TNFRSF12A: variants seen among roughly 807,000 people sequenced by gnomAD.
The protein encoded by TNFRSF12A is tumor necrosis factor receptor superfamily member 12A.
In TNFRSF12A, 13 loss-of-function variants were observed where a neutral mutation model predicts 15.5. That is an observed-to-expected ratio of 0.84 (90% CI 0.54 to 1.33). The LOEUF is 1.33. Among genes scored for constraint, TNFRSF12A ranks in the 40% most tolerant of loss-of-function variants. TNFRSF12A has a pLI of 0.00. For missense variants in TNFRSF12A, 174 were observed against 173.6 expected (o/e 1.00, Z -0.01); for synonymous variants, 89 against 78.4 (o/e 1.14, Z -0.71).
intron 1 of TNFRSF12A, 136 bp downstream of exon 1, chr16:3,020,627 C>T (rs74758164): frequency 0.033 from 16,883 of 514,744 alleles, 343 homozygotes; most frequent in Non-Finnish European, 0.038. Context: ...ACAGCTCGCT[C>T]CCGGCTGTGG....
rs2072607924 is a variant in TNFRSF12A, at chr16:3,021,225, C to A, written c.105C>A (p.Pro35=). 2.5e-6 allele frequency: 4 copies of A among 1,579,582 alleles called. No individual in the cohort carries two copies. In the Admixed American group the frequency reaches 5.4e-5, roughly 21 times the overall value. ...VAGEQAPGTA[P]CSRGSSWSAD... is the part of the protein sequence containing the mutation. ...AGGCCCCCTCCCCAGGCACCGCCCC[C>A]TGCTCCCGCGGCAGCTCCTGGAGCG... Residue 35 remains proline (P), a synonymous_variant, in exon 2 of 4, where the codon CCC becomes CCA. Coordinates refer to ENST00000326577, the MANE Select transcript of TNFRSF12A (RefSeq NM_016639.3).
At position 3,021,381 on chromosome 16, in the gene TNFRSF12A, C is replaced by G. The variant is rs2072609813; in HGVS notation, c.199+62C>G. ...AGACTGGGAGGGAGGGTGGCTGGTG[C>G]GCAGAGCGGGGCCGAGAGCTTTGCA... On this transcript the variant is annotated intron_variant, in intron 2 of 3. Transcript: ENST00000326577. 2.1e-6 allele frequency: 3 copies of G among 1,455,414 alleles called. No individual in the cohort carries two copies. In the African/African-American group the frequency reaches 4.2e-5, roughly 21 times the overall value. The allele number at this position is 1,455,414 out of a possible 1,614,324, so 90.2% of individuals were successfully genotyped here. A position where few individuals can be genotyped will look rare whatever the true frequency, so the allele number is the denominator to read the frequency against.
At position 3,021,888 on chromosome 16, in the gene TNFRSF12A, A is replaced by T; in HGVS notation, c.*62A>T. The T allele has an allele frequency of 6.4e-7, 1 of 1,570,234 alleles. No individual in the cohort carries two copies. Among genetic ancestry groups the T allele is most frequent in the Non-Finnish European group, 8.6e-7 (1 of 1,157,142 alleles). On this transcript the variant is annotated 3_prime_UTR_variant, in exon 4 of 4. Transcript: ENST00000326577. ...TCATTCATTCATCCATTCTAGAGCCAGTCTCTGCCTCCCAGACGCGGCGGG... is the reference window on the plus strand; with the variant it reads ...TCATTCATTCATCCATTCTAGAGCCTGTCTCTGCCTCCCAGACGCGGCGGG...
In TNFRSF12A at chr16:3,022,345, G is replaced by T. The variant is rs1441718239; in HGVS notation, c.*519G>T. On this transcript the variant is annotated 3_prime_UTR_variant, in exon 4 of 4. Coordinates refer to ENST00000326577, the MANE Select transcript of TNFRSF12A (RefSeq NM_016639.3). The stretch of plus-strand genomic sequence containing the variant: ...TTTATTTTGGGGAGAGTTTGGAGGG[G>T]AGGGAGAATTTATTAATAAAAGAAT... 4 of 207,982 alleles carry T rather than the reference G, an allele frequency of 1.9e-5. No individual in the cohort carries two copies. The highest frequency in any genetic ancestry group is 3.8e-5 in the Non-Finnish European group (4 of 105,186). The allele number at this position is 207,982 out of a possible 1,614,324, so 12.9% of individuals were successfully genotyped here. A position where few individuals can be genotyped will look rare whatever the true frequency, so the allele number is the denominator to read the frequency against.
At chr16:3,021,050 T>A in intron 1 of TNFRSF12A, 165 bp from the exon 2 acceptor site, 1 of 461,226 alleles carries the variant, frequency 2.2e-6, no homozygotes, top group East Asian at 3.6e-5. Flanking sequence ...CGCTACGCCC[T>A]CCCTCCCGGA....
intron 1 of TNFRSF12A, chr16:3,020,849 T>C: frequency 2.5e-6 from 1 of 406,210 alleles, no homozygotes; most frequent in Non-Finnish European, 4.3e-6. Flanking sequence ...ATCGACGAGT[T>C]GGGGAGGCCG....
At position 3,020,495 on chromosome 16, in the gene TNFRSF12A, C is replaced by A; in HGVS notation, c.94+4C>A. 5 of 1,291,338 alleles carry A rather than the reference C, an allele frequency of 3.9e-6. No individual in the cohort carries two copies. The highest frequency in any genetic ancestry group is 4.9e-6 in the Non-Finnish European group (5 of 1,018,320). 80.0% of individuals were successfully genotyped at this position (1,291,338 alleles called of 1,614,324 possible). ...GTGGCCGGGGAGCAAGCGCCAGGTA[C>A]GCGGGACTCCGGGGTCGGGGAACCC... On this transcript the variant is annotated splice_donor_region_variant and intron_variant, in intron 1 of 3. Coordinates refer to ENST00000326577, the MANE Select transcript of TNFRSF12A (RefSeq NM_016639.3).
In TNFRSF12A at chr16:3,020,472, G is replaced by T. The variant is rs1306858025; in HGVS notation, c.75G>T (p.Val25=). 3.1e-6 allele frequency: 4 copies of T among 1,294,842 alleles called. No individual in the cohort carries two copies. The highest frequency in any genetic ancestry group is 2.9e-6 in the Non-Finnish European group (3 of 1,020,210). The allele number at this position is 1,294,842 out of a possible 1,614,324, so 80.2% of individuals were successfully genotyped here. A position where few individuals can be genotyped will look rare whatever the true frequency, so the allele number is the denominator to read the frequency against. Residue 25 remains valine, a synonymous_variant, in exon 1 of 4, where the codon GTG becomes GTT. Coordinates refer to ENST00000326577, the MANE Select transcript of TNFRSF12A (RefSeq NM_016639.3). ...TCTGGCTGGCGTTGCTGCGCTCCGTGGCCGGGGAGCAAGCGCCAGGTACGC... is the reference window on the plus strand; with the variant it reads ...TCTGGCTGGCGTTGCTGCGCTCCGTTGCCGGGGAGCAAGCGCCAGGTACGC... The part of the protein sequence containing the change: ...LGLWLALLRS[V]AGEQAPGTAP...
rs773783072 is a variant in TNFRSF12A at position 3,021,331 on chromosome 16, G to C, written c.199+12G>C. The C allele has an allele frequency of 1.3e-6, 2 of 1,558,992 alleles. No homozygotes were observed. The highest frequency in any genetic ancestry group is 1.9e-5 in the Admixed American group (1 of 51,726). On this transcript the variant is annotated intron_variant, in intron 2 of 3. Coordinates refer to ENST00000326577, the MANE Select transcript of TNFRSF12A (RefSeq NM_016639.3). ...CTTCTGCCTGGGCTGTGAGTGGGGGGCAGGGCCAGTGGCCAGCGGACCCCA... is the reference window on the plus strand; with the variant it reads ...CTTCTGCCTGGGCTGTGAGTGGGGGCCAGGGCCAGTGGCCAGCGGACCCCA...
rs773100076 is a variant in TNFRSF12A, at chr16:3,021,755, A to G, written c.335-16A>G. On this transcript the variant is annotated splice_polypyrimidine_tract_variant and intron_variant, in intron 3 of 3. Coordinates refer to ENST00000326577, the MANE Select transcript of TNFRSF12A (RefSeq NM_016639.3). ...CCTTTTCTCTGCTGCTGACGACCCC[A>G]CCTCTTATCTTGCAGCCCCCATAGA... The G allele has an allele frequency of 4.3e-6, 7 of 1,611,066 alleles. No homozygotes were observed. The highest frequency in any genetic ancestry group is 5.9e-6 in the Non-Finnish European group (7 of 1,178,334).
intron 1 of TNFRSF12A, 187 bp from the exon 2 acceptor site, chr16:3,021,028 C>A: frequency 2.1e-6 from 1 of 480,126 alleles, no homozygotes; most frequent in Non-Finnish European, 3.7e-6. Context: ...CCCCCCCACC[C>A]CCAGCGTCCC....
At chr16:3,020,635 T>C in intron 1 of TNFRSF12A, 144 bp downstream of exon 1, 1 of 478,792 alleles carries the variant, frequency 2.1e-6, no homozygotes, top group Non-Finnish European at 3.4e-6. Flanking sequence ...CTCCCGGCTG[T>C]GGGAAGTTCC....
chr16:3,021,055 C>A, intron 1 of TNFRSF12A, 160 bp from the exon 2 acceptor site: 1 of 469,582 alleles, frequency 2.1e-6, no homozygotes, highest in East Asian at 3.5e-5. Flanking sequence ...CGCCCTCCCT[C>A]CCGGAGCTGC....
chr16:3,020,468 C>T lies in TNFRSF12A; in HGVS notation c.71C>T (p.Ser24Phe). The T allele has an allele frequency of 7.7e-7, 1 of 1,294,930 alleles. No individual in the cohort carries two copies. Among genetic ancestry groups the T allele is most frequent in the Non-Finnish European group, 9.8e-7 (1 of 1,020,272 alleles). The allele number at this position is 1,294,930 out of a possible 1,614,324, so 80.2% of individuals were successfully genotyped here. ...GGGCTCTGGCTGGCGTTGCTGCGCT[C>T]CGTGGCCGGGGAGCAAGCGCCAGGT... ...VLGLWLALLR[S>F]VAGEQAPGTA... The change falls in exon 1 of 4, where the codon TCC becomes TTC. Residue 24 changes from serine (S) to phenylalanine (F), a missense_variant. Coordinates refer to ENST00000326577, the MANE Select transcript of TNFRSF12A (RefSeq NM_016639.3).
rs752145330 is a variant in TNFRSF12A, at chr16:3,020,404, C to T, written c.7C>T (p.Arg3Trp). 6 of 1,290,406 alleles carry T rather than the reference C, an allele frequency of 4.6e-6. No homozygotes were observed. The highest frequency in any genetic ancestry group is 3.0e-5 in the African/African-American group (2 of 66,034). The allele number at this position is 1,290,406 out of a possible 1,614,324, so 79.9% of individuals were successfully genotyped here. A position where few individuals can be genotyped will look rare whatever the true frequency, so the allele number is the denominator to read the frequency against. MA[R>W]GSLRRLLRLL... is the part of the protein sequence containing the mutation. ...CGGGCGCAGGACGTGCACTATGGCT[C>T]GGGGCTCGCTGCGCCGGTTGCTGCG... The change falls in exon 1 of 4, where the codon CGG (arginine) becomes TGG (tryptophan). Residue 3 changes from arginine to tryptophan, a missense_variant. By Grantham distance (101) the Arg-to-Trp change is moderately radical. Transcript: ENST00000326577.
chr16:3,022,264 G>A lies in TNFRSF12A; in HGVS notation c.*438G>A, dbSNP rs1653864091. The A allele has an allele frequency of 3.2e-6, 1 of 316,062 alleles. No individual in the cohort carries two copies. Among genetic ancestry groups the A allele is most frequent in the South Asian group, 1.3e-4 (1 of 7,474 alleles). 19.6% of individuals were successfully genotyped at this position (316,062 alleles called of 1,614,324 possible). ...TTAACACTAGGGGGCTGGCCCACTA[G>A]GAGGGCTGGCCCTAAGATACAGACC... On this transcript the variant is annotated 3_prime_UTR_variant, in exon 4 of 4. Transcript: ENST00000326577.
rs1167778275 is a variant in TNFRSF12A at position 3,021,849 on chromosome 16, G to T, written c.*23G>T. 5.0e-6 allele frequency: 8 copies of T among 1,609,836 alleles called. No homozygotes were observed. Among genetic ancestry groups the T allele is most frequent in the Non-Finnish European group, 6.8e-6 (8 of 1,179,100 alleles). On this transcript the variant is annotated 3_prime_UTR_variant, in exon 4 of 4. Transcript: ENST00000326577. ...TGACAATGTGCCCCCTGCCAGCCGGGGCTCGCCCACTCATCATTCATTCAT... is the reference window on the plus strand; with the variant it reads ...TGACAATGTGCCCCCTGCCAGCCGGTGCTCGCCCACTCATCATTCATTCAT...
At chr16:3,021,451 C>G in intron 2 of TNFRSF12A, 104 bp from the exon 3 acceptor site, 4 of 1,432,642 alleles carry the variant, frequency 2.8e-6, no homozygotes, top group South Asian at 2.8e-5. Context: ...GAGGGGGCTC[C>G]GGTCAGGGAG....
At chr16:3,021,710 C>G in intron 3 of TNFRSF12A, 21 bp downstream of exon 3, 1 of 1,612,264 alleles carries the variant, frequency 6.2e-7, no homozygotes, top group East Asian at 2.2e-5. Context: ...CCTGGCCTGC[C>G]CAGCCCTGTC....
Sources: gnomAD v4.1 joint callset for allele counts on GRCh38, gnomAD v4.1.1 for gene constraint, MANE v1.5 for transcripts, NCBI Gene and HGNC (gene_info 2026-07-23, HGNC 2026-07-21) for gene names.